NRXN3: variants seen among roughly 807,000 people sequenced by gnomAD.
The protein encoded by NRXN3 is neurexin 3.
Under a neutral mutation model 137.6 loss-of-function variants are expected in NRXN3, and 32 were observed. That is an observed-to-expected ratio of 0.23 (90% CI 0.18 to 0.31). NRXN3 has a LOEUF of 0.31. Among genes scored for constraint, NRXN3 ranks in the 10% least tolerant of loss-of-function variants. The pLI is 1.00. For synonymous variants in NRXN3, 798 were observed against 784.5 expected (o/e 1.02, Z -0.29); for missense variants, 1,574 against 2,062.5 (o/e 0.76, Z 4.59).
At chr14:78,617,009 C>T (rs963105167) in intron 4 of NRXN3, among the ~76,000 whole-genome samples, 3 of 152,152 alleles carry the variant, frequency 2.0e-5, no homozygotes, top group Non-Finnish European at 2.9e-5. Context: ...TGCCTGCTCA[C>T]CCCCCACTGC....
intron 4 of NRXN3, among the ~76,000 whole-genome samples, chr14:78,625,469 A>G (rs1019432155): frequency 6.6e-6 from 1 of 152,206 alleles, no homozygotes; most frequent in South Asian, 2.1e-4. Context: ...TGACTAATAG[A>G]AAACCAGAAA....
chr14:78,850,352 TTCTC>T (rs1360100424), intron 10 of NRXN3, among the ~76,000 whole-genome samples: 1 of 152,114 alleles, frequency 6.6e-6, no homozygotes, highest in Non-Finnish European at 1.5e-5. Flanking sequence ...CAAGTTAGTA[TTCTC>T]TCTAAGACAC....
At chr14:79,776,884 G>T (rs1326522576) in intron 19 of NRXN3, among the ~76,000 whole-genome samples, 3 of 152,204 alleles carry the variant, frequency 2.0e-5, no homozygotes, top group South Asian at 2.1e-4. Flanking sequence ...TGCAAAAATT[G>T]ATTTGGTTGT....
At chr14:78,199,963 G>T (rs541683267) in intron 1 of NRXN3, among the ~76,000 whole-genome samples, 2 of 152,204 alleles carry the variant, frequency 1.3e-5, no homozygotes, top group Non-Finnish European at 2.9e-5. Flanking sequence ...TGGAAATGAA[G>T]CATAGCCCTG....
At chr14:78,914,813 C>G (rs2099250542) in intron 10 of NRXN3, among the ~76,000 whole-genome samples, 1 of 152,040 alleles carries the variant, frequency 6.6e-6, no homozygotes, top group South Asian at 2.1e-4. Flanking sequence ...AAAGATCACC[C>G]TGGCTACTGT....
chr14:79,155,562 T>G (rs1389991720), intron 15 of NRXN3, among the ~76,000 whole-genome samples: 1 of 151,876 alleles, frequency 6.6e-6, no homozygotes, highest in Admixed American at 6.6e-5. Context: ...AATATATAAT[T>G]CTAAAGTAAA....
intron 4 of NRXN3, among the ~76,000 whole-genome samples, chr14:78,308,695 T>C (rs757542240): frequency 9.9e-5 from 15 of 152,084 alleles, no homozygotes; most frequent in Non-Finnish European, 1.9e-4. Flanking sequence ...TACATTGGCT[T>C]GATACTATAA....
intron 19 of NRXN3, among the ~76,000 whole-genome samples, chr14:79,728,200 G>A (rs181436105): frequency 2.6e-5 from 4 of 152,176 alleles, no homozygotes; most frequent in Non-Finnish European, 4.4e-5. Flanking sequence ...GGAACAGTCT[G>A]ATTTTTAAAG....
At chr14:78,920,100 G>A (rs970903262) in intron 10 of NRXN3, among the ~76,000 whole-genome samples, 4 of 152,208 alleles carry the variant, frequency 2.6e-5, no homozygotes, top group Admixed American at 1.3e-4. Context: ...AAACAACAAC[G>A]TTTACTTCTC....
At chr14:78,174,836 G>A (rs1329217191) in intron 1 of NRXN3, among the ~76,000 whole-genome samples, 2 of 152,196 alleles carry the variant, frequency 1.3e-5, no homozygotes, top group African/African-American at 4.8e-5. Flanking sequence ...AAGCGAACCC[G>A]TGGGTGGGTG....
At chr14:79,585,411 G>GTGGTGGGTT (rs2097756618) in intron 16 of NRXN3, among the ~76,000 whole-genome samples, 1 of 152,106 alleles carries the variant, frequency 6.6e-6, no homozygotes, top group Non-Finnish European at 1.5e-5. Flanking sequence ...AAGAGGCTGG[G>GTGGTGGGTT]CACGGTGGCT....
chr14:79,843,259 T>C (rs2099359921), intron 20 of NRXN3, among the ~76,000 whole-genome samples: 1 of 152,228 alleles, frequency 6.6e-6, no homozygotes, highest in Non-Finnish European at 1.5e-5. Context: ...TAAAAGTATG[T>C]TTATACCATA....
intron 15 of NRXN3, among the ~76,000 whole-genome samples, chr14:79,213,724 A>G (rs888881293): frequency 6.6e-5 from 10 of 152,020 alleles, no homozygotes; most frequent in African/African-American, 2.2e-4. Flanking sequence ...TCTTCCTAAG[A>G]TAGAACTCCA....
At chr14:78,603,522 G>A (rs542547690) in intron 4 of NRXN3, among the ~76,000 whole-genome samples, 2 of 152,288 alleles carry the variant, frequency 1.3e-5, no homozygotes, top group Non-Finnish European at 2.9e-5. Context: ...TGGTAGGAAA[G>A]GACAGAAGAT....
At chr14:78,824,682 A>G (rs1488809820) in intron 10 of NRXN3, among the ~76,000 whole-genome samples, 1 of 152,230 alleles carries the variant, frequency 6.6e-6, no homozygotes, top group Non-Finnish European at 1.5e-5. Flanking sequence ...AGAAACCCTT[A>G]TTAAATACTA....
chr14:79,773,565 G>T (rs775011335), intron 19 of NRXN3, among the ~76,000 whole-genome samples: 1 of 146,470 alleles, frequency 6.8e-6, no homozygotes, highest in Non-Finnish European at 1.5e-5. Flanking sequence ...ACTCATAGGT[G>T]GGAATTGAAC....
At chr14:78,677,299 G>A (rs551767941) in intron 6 of NRXN3, among the ~76,000 whole-genome samples, 1 of 152,182 alleles carries the variant, frequency 6.6e-6, no homozygotes, top group East Asian at 1.9e-4. Flanking sequence ...CAGGAATTTG[G>A]AAGAAGTTGA....
intron 10 of NRXN3, among the ~76,000 whole-genome samples, chr14:78,866,626 T>C (rs2099087370): frequency 6.6e-6 from 1 of 152,112 alleles, no homozygotes; most frequent in Non-Finnish European, 1.5e-5. Flanking sequence ...AATGAAATAG[T>C]GTTCCTACTG....
chr14:78,908,635 T>A (rs1392404636), intron 10 of NRXN3, among the ~76,000 whole-genome samples: 1 of 152,120 alleles, frequency 6.6e-6, no homozygotes, highest in Admixed American at 6.6e-5. Flanking sequence ...TTCACCAAGA[T>A]AAACTTGTAC....
Sources: allele counts gnomAD v4.1 joint callset (sites outside exome capture counted in the v4.1 genomes callset), GRCh38; gene constraint gnomAD v4.1.1; transcripts MANE v1.5; gene names NCBI Gene and HGNC (gene_info 2026-07-23, HGNC 2026-07-21).